The following PEX14 variants were observed in gnomAD, a reference collection of about 807,000 sequenced individuals.
The protein encoded by PEX14 is peroxisomal membrane protein PEX14.
In PEX14, 15 loss-of-function variants were observed where a neutral mutation model predicts 49.5. The ratio of observed to expected loss-of-function variants is 0.30; its 90% CI spans 0.20 to 0.47. PEX14 has a LOEUF of 0.47. Ranked by LOEUF, PEX14 falls within the 20% of genes least tolerant of loss-of-function variation. The probability of loss-of-function intolerance (pLI) is 1.00; values close to 1 mark genes in which losing one functional copy is unlikely to be tolerated. For missense variants in PEX14, 398 were observed against 494.8 expected (o/e 0.80, Z 1.86); for synonymous variants, 210 against 212.7 (o/e 0.99, Z 0.11).
At chr1:10,562,622 C>T (rs1639681367) in intron 3 of PEX14, among the ~76,000 whole-genome samples, 1 of 152,180 alleles carries the variant, frequency 6.6e-6, no homozygotes, top group Admixed American at 6.5e-5. Flanking sequence ...TTTCCGGCAT[C>T]ATAAAAGGAC....
rs1290990204 is a variant in PEX14 at position 10,539,996 on chromosome 1, T to TA, written c.169+3700dup. 2.0e-5 allele frequency among the ~76,000 whole-genome samples: 3 copies of TA among 152,192 alleles called. No individual in the cohort carries two copies. The highest frequency in any genetic ancestry group is 1.3e-4 in the Admixed American group (2 of 15,284). On this transcript the variant is annotated intron_variant, in intron 3 of 8. Coordinates refer to ENST00000356607, the MANE Select transcript of PEX14 (RefSeq NM_004565.3). The surrounding 1 kb of genome is among the most constrained non-coding windows in gnomAD (Gnocchi z 4.6). ...GGCCTGGGTGCTGTTGGCTCACACT[T>TA]ACTGTGTCCTTCTCAAGTGTCTAAG...
At chr1:10,568,256 A>G (rs1255329519) in intron 3 of PEX14, among the ~76,000 whole-genome samples, 1 of 148,940 alleles carries the variant, frequency 6.7e-6, no homozygotes, top group Non-Finnish European at 1.5e-5. Context: ...ATATGCTTTT[A>G]TATCTTTTTA....
chr1:10,559,184 T>C (rs1288259329), intron 3 of PEX14, among the ~76,000 whole-genome samples: 3 of 152,164 alleles, frequency 2.0e-5, no homozygotes, highest in African/African-American at 7.2e-5. Flanking sequence ...TAATTAAATA[T>C]GAGTGCACAA....
At chr1:10,559,475 T>C (rs1404330915) in intron 3 of PEX14, among the ~76,000 whole-genome samples, 1 of 152,172 alleles carries the variant, frequency 6.6e-6, no homozygotes, top group African/African-American at 2.4e-5. Flanking sequence ...TGAAAGGCAT[T>C]GGAAATAACT....
At chr1:10,601,718 T>C (rs1640990467) in intron 4 of PEX14, among the ~76,000 whole-genome samples, 1 of 152,216 alleles carries the variant, frequency 6.6e-6, no homozygotes. Flanking sequence ...CCTTTCTCCT[T>C]CCTGGCCAGC....
chr1:10,622,212 A>G (rs1290113412), intron 5 of PEX14, among the ~76,000 whole-genome samples: 1 of 152,222 alleles, frequency 6.6e-6, no homozygotes, highest in Non-Finnish European at 1.5e-5. Flanking sequence ...TCCTTCGGGC[A>G]TCCCTGGTTC....
chr1:10,558,197 G>A (rs982069842), intron 3 of PEX14, among the ~76,000 whole-genome samples: 1 of 151,950 alleles, frequency 6.6e-6, no homozygotes, highest in Non-Finnish European at 1.5e-5. Context: ...TAATAGAGAT[G>A]GGGTTTCTTC....
intron 4 of PEX14, among the ~76,000 whole-genome samples, chr1:10,601,262 C>CAAAAAA (rs58910333): frequency 6.8e-4 from 39 of 57,046 alleles, no homozygotes; most frequent in Middle Eastern, 8.2e-3. Context: ...GACTCTGTCT[C>CAAAAAA]AAAAAAAAAA....
intron 2 of PEX14, among the ~76,000 whole-genome samples, chr1:10,520,514 T>G (rs1638251777): frequency 6.6e-6 from 1 of 152,134 alleles, no homozygotes; most frequent in Non-Finnish European, 1.5e-5. Flanking sequence ...CTTCATGATT[T>G]GAATATTAAC....
chr1:10,549,283 TAA>T (rs1377150207), intron 3 of PEX14, among the ~76,000 whole-genome samples: 1 of 152,212 alleles, frequency 6.6e-6, no homozygotes, highest in East Asian at 1.9e-4. Context: ...CTGACAGTAG[TAA>T]ACCTATGAAG....
Position 10,623,597 on chromosome 1 carries a change from A to G in PEX14, c.487+476A>G, listed in dbSNP as rs1641658153. 6.6e-6 allele frequency among the ~76,000 whole-genome samples: 1 copy of G among 152,136 alleles called. No individual in the cohort carries two copies. The highest frequency in any genetic ancestry group is 1.5e-5 in the Non-Finnish European group (1 of 68,022). ...ACCCAGTGCCCCAGCGATGGCCCAG[A>G]TTAGCTGGGACCTGTCGCGCCAGAG... On this transcript the variant is annotated intron_variant, in intron 6 of 8. Coordinates refer to ENST00000356607, the MANE Select transcript of PEX14 (RefSeq NM_004565.3). The surrounding 1 kb of genome is among the most constrained non-coding windows in gnomAD (Gnocchi z 4.4).
At chr1:10,592,006 T>C (rs1232702122) in intron 3 of PEX14, among the ~76,000 whole-genome samples, 1 of 78,918 alleles carries the variant, frequency 1.3e-5, no homozygotes, top group Admixed American at 1.5e-4. Flanking sequence ...ACTCCAATTT[T>C]TCTTGCAGTT....
chr1:10,551,156 A>G (rs1321142383), intron 3 of PEX14, among the ~76,000 whole-genome samples: 3 of 152,176 alleles, frequency 2.0e-5, no homozygotes, highest in East Asian at 1.9e-4. Context: ...CAGCAAATAC[A>G]TGGGTTATAT....
chr1:10,519,444 C>T (rs559447644), intron 2 of PEX14, among the ~76,000 whole-genome samples: 7 of 152,220 alleles, frequency 4.6e-5, no homozygotes, highest in African/African-American at 1.4e-4. Context: ...CGAAAAGACT[C>T]GGACTTTCAG....
chr1:10,525,226 T>C (rs1570206420), intron 2 of PEX14, among the ~76,000 whole-genome samples: 1 of 152,158 alleles, frequency 6.6e-6, no homozygotes, highest in African/African-American at 2.4e-5. Flanking sequence ...TCCAAACTTG[T>C]ACCTTGATAC....
intron 2 of PEX14, among the ~76,000 whole-genome samples, chr1:10,532,408 G>A (rs1638675818): frequency 1.3e-5 from 2 of 152,102 alleles, no homozygotes; most frequent in Admixed American, 6.5e-5. Flanking sequence ...GATGGGGGGC[G>A]GGGAGAAACT....
intron 3 of PEX14, among the ~76,000 whole-genome samples, chr1:10,578,941 A>G (rs1180242699): frequency 1.3e-5 from 2 of 152,164 alleles, no homozygotes; most frequent in African/African-American, 2.4e-5. Flanking sequence ...CTGCAGGACA[A>G]AAATCAAGCT....
chr1:10,574,011 A>T (rs1640053903), intron 3 of PEX14, among the ~76,000 whole-genome samples: 1 of 152,212 alleles, frequency 6.6e-6, no homozygotes, highest in Non-Finnish European at 1.5e-5. Context: ...CTGAGGCAGG[A>T]TAATCGCTTG....
intron 4 of PEX14, among the ~76,000 whole-genome samples, chr1:10,607,606 G>A (rs553303445): frequency 6.6e-6 from 1 of 152,252 alleles, no homozygotes; most frequent in East Asian, 1.9e-4. Context: ...GTATCTCATG[G>A]TGGTTTGGGT....
Sources: allele counts gnomAD v4.1 joint callset (sites outside exome capture counted in the v4.1 genomes callset), GRCh38; gene constraint gnomAD v4.1.1; non-coding constraint Gnocchi (gnomAD v3.1); transcripts MANE v1.5; gene names NCBI Gene and HGNC (gene_info 2026-07-23, HGNC 2026-07-21).